Variants in CPD observed in about 807,000 individuals in gnomAD.
CPD encodes the protein metallocarboxypeptidase D.
A neutral mutation model predicts 138.3 loss-of-function variants in CPD; 69 were observed. The ratio of observed to expected loss-of-function variants is 0.50; its 90% confidence interval spans 0.41 to 0.61. The LOEUF (loss-of-function observed/expected upper bound fraction) is 0.61, where lower values mean the gene tolerates loss of function less well. Ranked by LOEUF, CPD falls within the 20% of genes least tolerant of loss-of-function variation. The pLI, the probability that CPD is intolerant of heterozygous loss-of-function variation, is 0.00. For missense variants in CPD, 1,432 were observed against 1,733.3 expected, an observed-to-expected ratio of 0.83 and a Z score of 3.09; for synonymous variants, 651 against 642.1, an observed-to-expected ratio of 1.01 and a Z score of -0.21.
chr17:30,411,261 C>T (rs988286346), intron 2 of CPD, among the ~76,000 whole-genome samples: 11 of 152,136 alleles, frequency 7.2e-5, no homozygotes, highest in Non-Finnish European at 1.3e-4. Context: ...TTGTGGGTAA[C>T]CTGACCTTTC....
intron 8 of CPD, among the ~76,000 whole-genome samples, chr17:30,437,409 G>A (rs78651234): frequency 0.028 from 4,314 of 152,186 alleles, 206 homozygotes; most frequent in African/African-American, 0.098. Context: ...ACCAAGCCCG[G>A]TGTGATGGCT....
intron 1 of CPD, among the ~76,000 whole-genome samples, chr17:30,382,121 G>A (rs1341810807): frequency 6.6e-6 from 1 of 152,134 alleles, no homozygotes; most frequent in Non-Finnish European, 1.5e-5. Flanking sequence ...TTTGTGAAAA[G>A]CATTATTACA....
At chr17:30,438,262 C>T (rs551827998) in intron 8 of CPD, among the ~76,000 whole-genome samples, 1 of 152,130 alleles carries the variant, frequency 6.6e-6, no homozygotes, top group East Asian at 1.9e-4. Flanking sequence ...TTTTGACCAT[C>T]TTTCAAAGCT....
chr17:30,385,359 T>C (rs1272429608), intron 2 of CPD, 123 bp downstream of exon 2: 4 of 1,240,730 alleles, frequency 3.2e-6, no homozygotes, highest in South Asian at 3.5e-5. Flanking sequence ...TATTTTTATT[T>C]TGAAAATTTC....
intron 2 of CPD, among the ~76,000 whole-genome samples, chr17:30,418,858 G>C (rs1194219266): frequency 6.6e-6 from 1 of 152,128 alleles, no homozygotes. Flanking sequence ...ATTGTGTTCA[G>C]TTTTCTTCCT....
At chr17:30,382,992 C>CT (rs1160006072) in intron 1 of CPD, among the ~76,000 whole-genome samples, 2 of 152,172 alleles carry the variant, frequency 1.3e-5, no homozygotes, top group Admixed American at 1.3e-4. Context: ...CTTCTTATAA[C>CT]TTTCCCAGAG....
At chr17:30,418,108 T>A (rs1409534766) in intron 2 of CPD, among the ~76,000 whole-genome samples, 1 of 152,202 alleles carries the variant, frequency 6.6e-6, no homozygotes, top group Non-Finnish European at 1.5e-5. Flanking sequence ...CCAAGAAGCC[T>A]TTATAGATCT....
intron 9 of CPD, 97 bp from the exon 10 acceptor site, chr17:30,442,211 A>G: frequency 8.9e-7 from 1 of 1,120,416 alleles, no homozygotes. Context: ...CTGATAAGAG[A>G]TAAATTTGGC....
chr17:30,444,974 G>T (rs779630593), intron 11 of CPD, among the ~76,000 whole-genome samples: 5 of 151,830 alleles, frequency 3.3e-5, no homozygotes, highest in Admixed American at 2.0e-4. Flanking sequence ...TCCATTTTTG[G>T]CAGAGTGTTA....
rs191164559 is a variant in CPD at position 30,432,295 on chromosome 17, C to A, written c.2127+414C>A. Among the ~76,000 whole-genome samples, 11 of 152,252 alleles carry A rather than the reference C, an allele frequency of 7.2e-5. No homozygotes were observed. The East Asian group carries it at 2.1e-3, about 29-fold the overall frequency. ...TATATATTGTGTGTGGCTGCTTTCT[C>A]CTTCAACATTTCAAAGTAAGTCAGT... On this transcript the variant is annotated intron_variant, in intron 8 of 20. Coordinates refer to ENST00000225719, the MANE Select transcript of CPD (RefSeq NM_001304.5).
rs1337919115 is a variant in CPD at position 30,456,254 on chromosome 17, A to G, written c.3338-2A>G. 1 of 1,608,288 alleles carries G rather than the reference A, an allele frequency of 6.2e-7. No homozygotes were observed. The highest frequency in any genetic ancestry group is 2.2e-5 in the East Asian group (1 of 44,862). On this transcript the variant is annotated splice_acceptor_variant, in intron 15 of 20. Coordinates refer to ENST00000225719, the MANE Select transcript of CPD (RefSeq NM_001304.5). LOFTEE classifies it high-confidence loss of function. The stretch of plus-strand genomic sequence containing the variant: ...CTGACTTCTAAATTTTTCTTTCTAT[A>G]GTGGAAAATAAAGAGACTCTGAAGC...
intron 17 of CPD, chr17:30,456,846 C>CAAAAAAAAAAAAAAAAA (rs11353479): frequency 1.5e-5 from 1 of 66,628 alleles, no homozygotes. Flanking sequence ...GATTCCATCT[C>CAAAAAAAAAAAAAAAAA]AAAAAAAAAA....
intron 8 of CPD, among the ~76,000 whole-genome samples, chr17:30,435,512 A>C (rs186376856): frequency 1.8e-3 from 276 of 152,328 alleles, no homozygotes; most frequent in Non-Finnish European, 3.5e-3. Context: ...AAATTAGCTT[A>C]AAATAGGTCA....
At chr17:30,403,474 G>A (rs936958765) in intron 2 of CPD, among the ~76,000 whole-genome samples, 3 of 152,100 alleles carry the variant, frequency 2.0e-5, no homozygotes, top group African/African-American at 4.8e-5. Flanking sequence ...CTGTCTTCCA[G>A]GGTCTCCAGT....
Position 30,422,793 on chromosome 17 carries a change from C to T in CPD, c.1427C>T (p.Thr476Ile). ...VIPDTTEAVS[T>I]ASTVAIPNIL... is the part of the protein sequence containing the mutation. ...CCTGACACGACAGAGGCTGTATCAA[C>T]TGCTAGCACAGTTGCTATACCTAAT... is the stretch of plus-strand genomic sequence containing the variant. Residue 476 changes from threonine (T) to isoleucine (I), a missense_variant, in exon 5 of 21, where the codon ACT (threonine) becomes ATT (isoleucine). This residue lies in a region of CPD where 160 missense variants were observed against 197.9 expected (regional missense o/e 0.81). Transcript: ENST00000225719. The T allele has an allele frequency of 6.2e-7, 1 of 1,614,058 alleles. No individual in the cohort carries two copies. Among genetic ancestry groups the T allele is most frequent in the Non-Finnish European group, 8.5e-7 (1 of 1,179,942 alleles).
intron 2 of CPD, 163 bp downstream of exon 2, chr17:30,385,399 GA>G (rs1327669278): frequency 1.0e-5 from 8 of 766,122 alleles, no homozygotes; most frequent in African/African-American, 1.8e-5. Flanking sequence ...AGGACTACAT[GA>G]AGACCTATCT....
At chr17:30,450,476 T>C (rs1913140571) in intron 13 of CPD, among the ~76,000 whole-genome samples, 1 of 152,218 alleles carries the variant, frequency 6.6e-6, no homozygotes, top group Non-Finnish European at 1.5e-5. Flanking sequence ...TTTCATGTAA[T>C]ACATAAAAAA....
chr17:30,415,880 C>T (rs979187228), intron 2 of CPD, among the ~76,000 whole-genome samples: 1 of 152,054 alleles, frequency 6.6e-6, no homozygotes, highest in Non-Finnish European at 1.5e-5. Context: ...GTGAAATAAG[C>T]CAAAAAGACA....
chr17:30,423,581 T>G lies in CPD; in HGVS notation c.1733T>G (p.Ile578Arg). Reference protein sequence around the residue: ...VVGRELLLNLIEYLCKNFGTD... With the variant: ...VVGRELLLNLREYLCKNFGTD... ...GGAAGAGAACTGCTGTTGAACCTCA[T>G]AGAATACCTTTGTAAGAACTTTGGA... is the stretch of plus-strand genomic sequence containing the variant. The change falls in exon 6 of 21, where the codon ATA (isoleucine) becomes AGA (arginine). Residue 578 changes from isoleucine to arginine, a missense_variant. Around this residue, in one of 6 missense-constraint regions of CPD, gnomAD observed 297 missense variants for 405.3 expected, o/e 0.73. Transcript: ENST00000225719. 1 of 1,612,212 alleles carries G rather than the reference T, an allele frequency of 6.2e-7. No individual in the cohort carries two copies. The highest frequency in any genetic ancestry group is 8.5e-7 in the Non-Finnish European group (1 of 1,179,206).
Sources: allele counts gnomAD v4.1 joint callset (sites outside exome capture counted in the v4.1 genomes callset), GRCh38; gene constraint gnomAD v4.1.1; regional missense constraint gnomAD v4.1.1; transcripts MANE v1.5; gene names NCBI Gene and HGNC (gene_info 2026-07-23, HGNC 2026-07-21).